The following PPP1R1C variants were observed in gnomAD, a reference collection of about 807,000 sequenced individuals.
PPP1R1C encodes the protein protein phosphatase 1 regulatory inhibitor subunit 1C.
PPP1R1C carries 15 observed loss-of-function variants against 17.4 expected under a neutral mutation model. The observed-to-expected ratio is 0.86, with a 90% CI of 0.58 to 1.33. PPP1R1C has a LOEUF of 1.33. Ranked by LOEUF, PPP1R1C falls within the 40% of genes most tolerant of loss-of-function variation. PPP1R1C has a pLI of 0.00. For missense variants in PPP1R1C, 143 were observed against 130.0 expected, an observed-to-expected ratio of 1.10 and a Z score of -0.48; for synonymous variants, 35 against 43.1, an observed-to-expected ratio of 0.81 and a Z score of 0.73.
chr2:182,076,420 T>G (rs1008348832), intron 4 of PPP1R1C, among the ~76,000 whole-genome samples: 1 of 151,458 alleles, frequency 6.6e-6, no homozygotes, highest in Non-Finnish European at 1.5e-5. Flanking sequence ...AGAAATCCTC[T>G]CCTACTGTCT....
chr2:181,997,011 C>G (rs552734624), intron 2 of PPP1R1C, among the ~76,000 whole-genome samples: 3 of 152,036 alleles, frequency 2.0e-5, no homozygotes, highest in African/African-American at 7.2e-5. Flanking sequence ...GGGCGGATCA[C>G]GAGGTCAGGA....
intron 4 of PPP1R1C, among the ~76,000 whole-genome samples, chr2:182,116,036 C>T (rs1317964345): frequency 6.6e-6 from 1 of 151,832 alleles, no homozygotes; most frequent in South Asian, 2.1e-4. Context: ...AGAATAGACT[C>T]GAGGGAAATG....
At chr2:182,059,171 A>G (rs1240528449) in intron 2 of PPP1R1C, among the ~76,000 whole-genome samples, 3 of 152,110 alleles carry the variant, frequency 2.0e-5, no homozygotes, top group Non-Finnish European at 4.4e-5. Flanking sequence ...TTATACTTAG[A>G]TGAGTTTTAC....
Position 181,959,454 on chromosome 2 carries a change from C to A in PPP1R1C, n.111+4820C>A, listed in dbSNP as rs965748395. 2.6e-5 allele frequency among the ~76,000 whole-genome samples: 4 copies of A among 152,046 alleles called. No homozygotes were observed. In the East Asian group the frequency reaches 7.7e-4, roughly 29 times the overall value. On this transcript the variant is annotated intron_variant and non_coding_transcript_variant, in intron 1 of 5. Transcript: ENST00000464264. ...TATGTCTATTTAAATTTGCTTTATA[C>A]AGAGCAAAGTTTCATGCTACATAAC...
At position 182,079,960 on chromosome 2, in the gene PPP1R1C, G is replaced by A. The variant is rs145925842; in HGVS notation, c.241+16169G>A. On this transcript the variant is annotated intron_variant, in intron 4 of 4. Transcript: ENST00000682840. ...AGAATATTGGCTACTTCATCCTGTC[G>A]AGCCTCATTTTAATTACATCTGCAA... 3.2e-3 allele frequency among the ~76,000 whole-genome samples: 488 copies of A among 152,116 alleles called. 4 individuals are homozygous for A. Among genetic ancestry groups the A allele is most frequent in the Non-Finnish European group, 4.7e-3 (319 of 67,994 alleles).
intron 5 of PPP1R1C, among the ~76,000 whole-genome samples, chr2:182,125,789 T>C (rs1033879158): frequency 6.6e-6 from 1 of 152,194 alleles, no homozygotes; most frequent in Admixed American, 6.5e-5. Context: ...TTCTCTCTTT[T>C]CTTCCTTATT....
chr2:182,127,924 G>A (rs1442926942), intron 5 of PPP1R1C, among the ~76,000 whole-genome samples: 2 of 152,100 alleles, frequency 1.3e-5, no homozygotes, highest in Non-Finnish European at 1.5e-5. Context: ...TTAACATTCT[G>A]TAGACATTTT....
At chr2:182,073,474 G>C (rs553523711) in intron 4 of PPP1R1C, among the ~76,000 whole-genome samples, 43 of 152,306 alleles carry the variant, frequency 2.8e-4, no homozygotes, top group South Asian at 2.7e-3. Flanking sequence ...AATGCTTGCT[G>C]TCTGTCTTCC....
At chr2:182,025,344 G>A (rs1686569931) in intron 2 of PPP1R1C, among the ~76,000 whole-genome samples, 1 of 141,576 alleles carries the variant, frequency 7.1e-6, no homozygotes. Flanking sequence ...ATCTCCCAAT[G>A]CTATCCCTCC....
intron 5 of PPP1R1C, among the ~76,000 whole-genome samples, chr2:182,128,643 C>CGTATGTATATATGCATGTAT: frequency 1.2e-5 from 1 of 81,194 alleles, no homozygotes; most frequent in South Asian, 3.9e-4. Context: ...TATGTATGTA[C>CGTATGTATATATGCATGTAT]GTATGTATAT....
chr2:182,095,311 T>TA (rs1002968644), intron 4 of PPP1R1C, among the ~76,000 whole-genome samples: 14 of 150,368 alleles, frequency 9.3e-5, no homozygotes, highest in Non-Finnish European at 1.5e-4. Flanking sequence ...ATAAAAAAAT[T>TA]AAAAAAAAAG....
chr2:182,107,999 G>A (rs186784191), intron 4 of PPP1R1C, among the ~76,000 whole-genome samples: 49 of 151,938 alleles, frequency 3.2e-4, no homozygotes, highest in Middle Eastern at 3.4e-3. Context: ...AAATTCTTCC[G>A]TCTGTTTTCT....
chr2:182,005,343 T>C (rs144722654), intron 2 of PPP1R1C, among the ~76,000 whole-genome samples: 3 of 152,320 alleles, frequency 2.0e-5, no homozygotes, highest in African/African-American at 7.2e-5. Flanking sequence ...GCATGGGATA[T>C]TATCTCCGCT....
Position 181,971,105 on chromosome 2 carries a change from C to T in PPP1R1C, n.112-4114C>T, listed in dbSNP as rs995855406. ...GTTTCCATGCCACAAGACAAAGTCT[C>T]CTTTACTCTTCTGTTTCCATTTCTC... On this transcript the variant is annotated intron_variant and non_coding_transcript_variant, in intron 1 of 5. Coordinates refer to the PPP1R1C transcript ENST00000464264. 5.9e-5 allele frequency among the ~76,000 whole-genome samples: 9 copies of T among 152,266 alleles called. No individual in the cohort carries two copies. In the South Asian group the frequency reaches 1.7e-3, roughly 28 times the overall value.
upstream of PPP1R1C, among the ~76,000 whole-genome samples, chr2:181,984,202 T>A: frequency 6.6e-6 from 1 of 152,202 alleles, no homozygotes; most frequent in East Asian, 1.9e-4. Flanking sequence ...TGTAATGAGC[T>A]CTTTTCAGGA....
intron 2 of PPP1R1C, among the ~76,000 whole-genome samples, chr2:182,027,036 C>T (rs1300893052): frequency 7.8e-6 from 1 of 128,892 alleles, no homozygotes; most frequent in Non-Finnish European, 1.6e-5. Flanking sequence ...TATAAGAATG[C>T]TTGTGATTTT....
chr2:182,058,043 T>C (rs1687741130), intron 2 of PPP1R1C, among the ~76,000 whole-genome samples: 1 of 152,162 alleles, frequency 6.6e-6, no homozygotes, highest in African/African-American at 2.4e-5. Flanking sequence ...TTCTAAGTCA[T>C]TACTATTTAA....
intron 2 of PPP1R1C, among the ~76,000 whole-genome samples, chr2:182,052,174 C>G (rs1445692627): frequency 1.3e-5 from 2 of 152,002 alleles, no homozygotes; most frequent in South Asian, 4.2e-4. Context: ...AAAAACTTAG[C>G]TTTTAGTTTT....
At chr2:182,024,949 CTTCTT>C (rs200254145) in intron 2 of PPP1R1C, among the ~76,000 whole-genome samples, 2,704 of 148,838 alleles carry the variant, frequency 0.018, 73 homozygotes, top group African/African-American at 0.063. Context: ...TTAATATATT[CTTCTT>C]TTTTTTTTTT....
Sources: gnomAD v4.1 joint callset for allele counts (sites outside exome capture counted in the v4.1 genomes callset) on GRCh38, gnomAD v4.1.1 for gene constraint, MANE v1.5 for transcripts, NCBI Gene and HGNC (gene_info 2026-07-23, HGNC 2026-07-21) for gene names.